The following IGF2BP3 variants were observed in gnomAD, a reference collection of about 807,000 sequenced individuals.
IGF2BP3 encodes the protein insulin like growth factor 2 mRNA binding protein 3.
In IGF2BP3, 9 loss-of-function variants were observed where a neutral mutation model predicts 73.8. The ratio of observed to expected loss-of-function variants is 0.12; its 90% confidence interval spans 0.07 to 0.21. The LOEUF (loss-of-function observed/expected upper bound fraction) is 0.21, where lower values mean the gene tolerates loss of function less well. IGF2BP3 is among the 10% of genes least tolerant of loss of function. The probability of loss-of-function intolerance (pLI) is 1.00; values close to 1 mark genes in which losing one functional copy is unlikely to be tolerated. For missense variants in IGF2BP3, 542 were observed against 714.0 expected, an observed-to-expected ratio of 0.76 and a Z score of 2.75; for synonymous variants, 258 against 256.7, an observed-to-expected ratio of 1.01 and a Z score of -0.05.
rs1262808436 is a variant in IGF2BP3 at position 23,469,852 on chromosome 7, G to C, written c.175+84C>G. ...CCCGCTCCCCCAGCGCGCCGGGCCT[G>C]GGGCCCGCGGAGCCACCCGGTGGGC... is the stretch of plus-strand genomic sequence containing the variant. On this transcript the variant is annotated intron_variant, in intron 1 of 14. Coordinates refer to ENST00000258729, the MANE Select transcript of IGF2BP3 (RefSeq NM_006547.3). The surrounding 1 kb of genome is among the most constrained non-coding windows in gnomAD (Gnocchi z 6.1). 5 of 970,024 alleles carry C rather than the reference G, an allele frequency of 5.2e-6. No individual in the cohort carries two copies. The highest frequency in any genetic ancestry group is 6.7e-6 in the Non-Finnish European group (5 of 744,684). The allele number at this position is 970,024 out of a possible 1,614,324, so 60.1% of individuals were successfully genotyped here.
At chr7:23,462,594 C>A (rs898180012) in intron 2 of IGF2BP3, among the ~76,000 whole-genome samples, 2 of 152,138 alleles carry the variant, frequency 1.3e-5, no homozygotes, top group Non-Finnish European at 2.9e-5. Flanking sequence ...GATCTCCTGA[C>A]CTCGTGATCC....
At chr7:23,453,651 A>G (rs1455873367) in intron 2 of IGF2BP3, among the ~76,000 whole-genome samples, 1 of 152,212 alleles carries the variant, frequency 6.6e-6, no homozygotes, top group Non-Finnish European at 1.5e-5. Context: ...TTAAGTTCTA[A>G]TAGATACTGC....
chr7:23,466,386 C>A (rs10950948), intron 2 of IGF2BP3, among the ~76,000 whole-genome samples: 52,891 of 152,126 alleles, frequency 0.35, 9,587 homozygotes, highest in Middle Eastern at 0.42. Context: ...TCAGTAAAAA[C>A]AACCTCCAAT....
intron 8 of IGF2BP3, among the ~76,000 whole-genome samples, chr7:23,345,421 T>A (rs1002696460): frequency 6.6e-6 from 1 of 152,242 alleles, no homozygotes; most frequent in Non-Finnish European, 1.5e-5. Flanking sequence ...ACAGCTGCCA[T>A]GTCTTGAGAA....
At chr7:23,317,506 T>C (rs547572415) in intron 12 of IGF2BP3, 133 bp downstream of exon 12, 30 of 689,798 alleles carry the variant, frequency 4.3e-5, no homozygotes, top group African/African-American at 3.3e-4. Flanking sequence ...TTGAGTGTGA[T>C]TCTACTCAGC....
chr7:23,343,597 A>G (rs1250498446), intron 9 of IGF2BP3, 121 bp downstream of exon 9: 7 of 972,306 alleles, frequency 7.2e-6, no homozygotes, highest in Non-Finnish European at 1.1e-5. Context: ...CTGAGGTGCT[A>G]AAAATCAACT....
At chr7:23,442,634 G>A (rs569265455) in intron 2 of IGF2BP3, among the ~76,000 whole-genome samples, 32 of 152,154 alleles carry the variant, frequency 2.1e-4, no homozygotes, top group Admixed American at 5.9e-4. Context: ...CTGACCTCAG[G>A]TGACCCACCC....
At chr7:23,388,312 A>G (rs1200046137) in intron 3 of IGF2BP3, among the ~76,000 whole-genome samples, 1 of 152,236 alleles carries the variant, frequency 6.6e-6, no homozygotes, top group Non-Finnish European at 1.5e-5. Flanking sequence ...AAATGAATAT[A>G]CCAGGAAGAA....
intron 2 of IGF2BP3, among the ~76,000 whole-genome samples, chr7:23,419,976 C>T (rs922572045): frequency 6.6e-6 from 1 of 152,174 alleles, no homozygotes; most frequent in Non-Finnish European, 1.5e-5. Context: ...CCTCCCTACA[C>T]ATGTATATAT....
intron 6 of IGF2BP3, among the ~76,000 whole-genome samples, chr7:23,348,896 T>C (rs1044936462): frequency 1.3e-5 from 2 of 152,198 alleles, no homozygotes; most frequent in African/African-American, 2.4e-5. Flanking sequence ...ACAGATGTTT[T>C]TGAAAATGTG....
chr7:23,353,041 T>C (rs1463683606), intron 5 of IGF2BP3, among the ~76,000 whole-genome samples: 2 of 152,072 alleles, frequency 1.3e-5, no homozygotes, highest in Non-Finnish European at 2.9e-5. Flanking sequence ...CACCTAACAA[T>C]ACATCCCTTT....
chr7:23,418,917 T>G (rs1787268562), intron 2 of IGF2BP3, 93 bp from the exon 3 acceptor site: 1 of 775,490 alleles, frequency 1.3e-6, no homozygotes, highest in Non-Finnish European at 2.1e-6. Context: ...CTTAAAATAT[T>G]AACTCTATAT....
chr7:23,385,669 G>T (rs936254917), intron 3 of IGF2BP3, among the ~76,000 whole-genome samples: 38 of 151,998 alleles, frequency 2.5e-4, no homozygotes, highest in African/African-American at 8.9e-4. Context: ...GACTTAAATC[G>T]ACTAACTGCA....
chr7:23,392,401 A>AG (rs1354826574), intron 3 of IGF2BP3, among the ~76,000 whole-genome samples: 5 of 99,406 alleles, frequency 5.0e-5, no homozygotes, highest in African/African-American at 2.5e-4. Flanking sequence ...ACCATTTGGA[A>AG]GAAAAAAAAA....
chr7:23,367,135 C>T (rs149951280), intron 3 of IGF2BP3, among the ~76,000 whole-genome samples: 3 of 152,182 alleles, frequency 2.0e-5, no homozygotes, highest in Non-Finnish European at 4.4e-5. Flanking sequence ...TGTGCCACCA[C>T]GCCTGGCTAC....
intron 12 of IGF2BP3, among the ~76,000 whole-genome samples, chr7:23,315,767 G>GTC (rs1232189460): frequency 6.6e-6 from 1 of 152,188 alleles, no homozygotes; most frequent in East Asian, 1.9e-4. Flanking sequence ...TCTTGAATTT[G>GTC]TAAGGAAAAA....
At chr7:23,410,820 G>GA (rs1786994300) in intron 3 of IGF2BP3, among the ~76,000 whole-genome samples, 1 of 152,116 alleles carries the variant, frequency 6.6e-6, no homozygotes, top group South Asian at 2.1e-4. Flanking sequence ...CCTTTGGGAG[G>GA]AAGTTTTCTG....
intron 3 of IGF2BP3, among the ~76,000 whole-genome samples, chr7:23,412,678 T>C (rs1562737058): frequency 6.6e-6 from 1 of 152,054 alleles, no homozygotes; most frequent in African/African-American, 2.4e-5. Flanking sequence ...ATTTACCTAA[T>C]GTCTTCCTTT....
chr7:23,317,748 C>T (rs758838751), intron 11 of IGF2BP3, 35 bp from the exon 12 acceptor site: 1 of 1,542,452 alleles, frequency 6.5e-7, no homozygotes, highest in African/African-American at 1.4e-5. Flanking sequence ...ATGATACTTT[C>T]AGGTATCACT....
Sources: allele counts gnomAD v4.1 joint callset (sites outside exome capture counted in the v4.1 genomes callset), GRCh38; gene constraint gnomAD v4.1.1; non-coding constraint Gnocchi (gnomAD v3.1); transcripts MANE v1.5; gene names NCBI Gene and HGNC (gene_info 2026-07-23, HGNC 2026-07-21).